SMARCAD1: variants seen among roughly 807,000 people sequenced by gnomAD.
SMARCAD1 encodes the protein SWI/SNF-related matrix-associated actin-dependent regulator of chromatin subfamily A containing DEAD/H box 1.
A neutral mutation model predicts 127.1 loss-of-function variants in SMARCAD1; 25 were observed. The observed-to-expected ratio is 0.20, with a 90% CI of 0.14 to 0.27. The LOEUF (loss-of-function observed/expected upper bound fraction) is 0.27, where lower values mean the gene tolerates loss of function less well. SMARCAD1 is among the 10% of genes least tolerant of loss of function. SMARCAD1 has a pLI of 1.00. For synonymous variants in SMARCAD1, 400 were observed against 396.9 expected (o/e 1.01, Z -0.09); for missense variants, 807 against 1,206.0 (o/e 0.67, Z 4.90).
Position 94,278,954 on chromosome 4 carries a change from C to T in SMARCAD1, c.2322C>T (p.Val774=), listed in dbSNP as rs934008320. 4.3e-6 allele frequency: 7 copies of T among 1,613,956 alleles called. No individual in the cohort carries two copies. The highest frequency in any genetic ancestry group is 5.1e-6 in the Non-Finnish European group (6 of 1,179,956). ...AAAAAAACACAGAAATGTGCAATGTCATGATGCAGTTGAGGAAAATGGCCA... is the reference window on the plus strand; with the variant it reads ...AAAAAAACACAGAAATGTGCAATGTTATGATGCAGTTGAGGAAAATGGCCA... The part of the protein sequence containing the change: ...NLEKNTEMCN[V]MMQLRKMANH... Residue 774 remains valine, a synonymous_variant, in exon 19 of 24, where the codon GTC becomes GTT. Coordinates refer to ENST00000354268, the MANE Select transcript of SMARCAD1 (RefSeq NM_020159.5).
chr4:94,223,109 T>C (rs1383885376), intron 2 of SMARCAD1, among the ~76,000 whole-genome samples: 1 of 152,154 alleles, frequency 6.6e-6, no homozygotes, highest in Non-Finnish European at 1.5e-5. Flanking sequence ...AATTAAATTT[T>C]TAGACCCCCC....
intron 7 of SMARCAD1, among the ~76,000 whole-genome samples, chr4:94,250,045 C>T (rs1749050015): frequency 6.6e-6 from 1 of 151,646 alleles, no homozygotes; most frequent in Non-Finnish European, 1.5e-5. Context: ...CATCTGTAAC[C>T]CTGCCCCCAT....
chr4:94,286,400 C>A (rs956039239), intron 23 of SMARCAD1, among the ~76,000 whole-genome samples: 1 of 152,174 alleles, frequency 6.6e-6, no homozygotes, highest in Non-Finnish European at 1.5e-5. Flanking sequence ...CCTGTTCAAG[C>A]TGATTATAAC....
At chr4:94,275,376 A>G (rs1753108689) in intron 14 of SMARCAD1, among the ~76,000 whole-genome samples, 1 of 152,184 alleles carries the variant, frequency 6.6e-6, no homozygotes, top group African/African-American at 2.4e-5. Context: ...AAAATGAAAA[A>G]TAATACTAAT....
chr4:94,276,858 G>A lies in SMARCAD1; in HGVS notation c.1945-164G>A, dbSNP rs189930098. 1.1e-4 allele frequency among the ~76,000 whole-genome samples: 16 copies of A among 152,154 alleles called. No individual in the cohort carries two copies. In the East Asian group the frequency reaches 2.9e-3, roughly 27 times the overall value. On this transcript the variant is annotated intron_variant, in intron 15 of 23. Coordinates refer to ENST00000354268, the MANE Select transcript of SMARCAD1 (RefSeq NM_020159.5). The stretch of plus-strand genomic sequence containing the variant: ...CGTATTCATTGCTGTTGATAATAGC[G>A]GACGTCAATTATTTAAATTACTATA...
rs184402591 is a variant in SMARCAD1 at position 94,224,461 on chromosome 4, T to C, written c.191-1658T>C. Among the ~76,000 whole-genome samples, 87 of 152,354 alleles carry C rather than the reference T, an allele frequency of 5.7e-4. 1 individual carries two copies. Among genetic ancestry groups the C allele is most frequent in the Admixed American group, 5.1e-3 (78 of 15,302 alleles). ...ACCCAAGTCTAAAACCCAGCTGATCTGTATTTCACATACACCAAGTTTGTG... is the reference window on the plus strand; with the variant it reads ...ACCCAAGTCTAAAACCCAGCTGATCCGTATTTCACATACACCAAGTTTGTG... On this transcript the variant is annotated intron_variant, in intron 2 of 23. Transcript: ENST00000354268.
At chr4:94,241,081 T>C in intron 6 of SMARCAD1, 75 bp downstream of exon 6, 1 of 999,932 alleles carries the variant, frequency 1.0e-6, no homozygotes, top group Non-Finnish European at 1.6e-6. Context: ...TGGATATTAT[T>C]AGACCTGAAA....
chr4:94,211,353 A>G (rs1742225343), intron 2 of SMARCAD1, among the ~76,000 whole-genome samples: 1 of 152,216 alleles, frequency 6.6e-6, no homozygotes, highest in African/African-American at 2.4e-5. Context: ...GGGATTGCTG[A>G]GGAAGTGGGG....
Position 94,226,114 on chromosome 4 carries a change from T to A in SMARCAD1, c.191-5T>A. 1 of 1,607,110 alleles carries A rather than the reference T, an allele frequency of 6.2e-7. No homozygotes were observed. The highest frequency in any genetic ancestry group is 8.5e-7 in the Non-Finnish European group (1 of 1,174,488). ...AATATTTTTCTCCTTTTTATTCTCT[T>A]GCAGAAGATTCTAGTGTTCCAGAAA... On this transcript the variant is annotated splice_region_variant and splice_polypyrimidine_tract_variant and intron_variant, in intron 2 of 23. Coordinates refer to ENST00000354268, the MANE Select transcript of SMARCAD1 (RefSeq NM_020159.5).
intron 13 of SMARCAD1, 43 bp downstream of exon 13, chr4:94,274,840 T>G: frequency 6.2e-7 from 1 of 1,606,876 alleles, no homozygotes; most frequent in South Asian, 1.1e-5. Context: ...AAATTAAAAA[T>G]AAAGTACAGC....
chr4:94,276,009 G>A (rs1753247113), intron 14 of SMARCAD1, among the ~76,000 whole-genome samples: 1 of 151,892 alleles, frequency 6.6e-6, no homozygotes, highest in Non-Finnish European at 1.5e-5. Flanking sequence ...GTGTTAGCCA[G>A]GATGGTCTCG....
chr4:94,246,558 T>C (rs1377232884), intron 6 of SMARCAD1, among the ~76,000 whole-genome samples: 1 of 152,204 alleles, frequency 6.6e-6, no homozygotes, highest in Admixed American at 6.5e-5. Flanking sequence ...TTCTTTTTTC[T>C]TAAGAGTGGA....
At chr4:94,231,892 T>C (rs938588608) in intron 3 of SMARCAD1, among the ~76,000 whole-genome samples, 1 of 151,802 alleles carries the variant, frequency 6.6e-6, no homozygotes, top group Non-Finnish European at 1.5e-5. Context: ...GACAGAGTCT[T>C]GCTCTGTTAC....
chr4:94,258,889 C>T (rs909949632), intron 9 of SMARCAD1, among the ~76,000 whole-genome samples: 1 of 152,160 alleles, frequency 6.6e-6, no homozygotes, highest in East Asian at 1.9e-4. Flanking sequence ...AATGAAATGC[C>T]AAGAAACTAT....
At position 94,281,542 on chromosome 4, in the gene SMARCAD1, A is replaced by T. The variant is rs1450182385; in HGVS notation, c.2678A>T (p.His893Leu). ...ATCTTAGAGGTTCTATTAAAACATC[A>T]TCAGCATAGGTACCTCAGATTAGAT... ...LDILEVLLKH[H>L]QHRYLRLDGK... The change falls in exon 21 of 24, where the codon CAT (histidine) becomes CTT (leucine). Residue 893 changes from histidine to leucine, a missense_variant. His to Leu is a moderately conservative substitution (Grantham distance 99, BLOSUM62 -3). Coordinates refer to ENST00000354268, the MANE Select transcript of SMARCAD1 (RefSeq NM_020159.5). The T allele has an allele frequency of 6.2e-7, 1 of 1,613,444 alleles. No homozygotes were observed. The highest frequency in any genetic ancestry group is 1.1e-5 in the South Asian group (1 of 91,072).
intron 2 of SMARCAD1, among the ~76,000 whole-genome samples, chr4:94,210,929 C>A (rs1252563406): frequency 9.4e-3 from 535 of 56,746 alleles, no homozygotes; most frequent in African/African-American, 0.016. Context: ...GACTGTATCT[C>A]AAAAAAAAAA....
intron 2 of SMARCAD1, among the ~76,000 whole-genome samples, chr4:94,217,853 G>A (rs1482182511): frequency 6.6e-6 from 1 of 152,130 alleles, no homozygotes; most frequent in Non-Finnish European, 1.5e-5. Flanking sequence ...TAATGGAGTA[G>A]AACAAATAGA....
intron 20 of SMARCAD1, 144 bp downstream of exon 20, chr4:94,280,924 G>T (rs375820099): frequency 1.3e-6 from 1 of 772,182 alleles, no homozygotes; most frequent in East Asian, 2.6e-5. Flanking sequence ...TTTTCTTGAC[G>T]TATTTTCTTG....
chr4:94,274,093 G>T (rs1752929343), intron 12 of SMARCAD1, among the ~76,000 whole-genome samples: 1 of 152,074 alleles, frequency 6.6e-6, no homozygotes, highest in South Asian at 2.1e-4. Context: ...TCAATTCGTT[G>T]GATGTAGAAG....
Sources: allele counts gnomAD v4.1 joint callset (sites outside exome capture counted in the v4.1 genomes callset), GRCh38; gene constraint gnomAD v4.1.1; transcripts MANE v1.5; gene names NCBI Gene and HGNC (gene_info 2026-07-23, HGNC 2026-07-21).